The following TSPAN4 variants were observed in gnomAD, a reference collection of about 807,000 sequenced individuals.
The protein encoded by TSPAN4 is tetraspanin-4.
TSPAN4 carries 38 observed loss-of-function variants against 31.5 expected under a neutral mutation model. That is an observed-to-expected ratio of 1.21 (90% confidence interval 0.93 to 1.58). TSPAN4 has a LOEUF of 1.58. TSPAN4 is among the 40% of genes most tolerant of loss of function. The pLI, the probability that TSPAN4 is intolerant of heterozygous loss-of-function variation, is 0.00. For synonymous variants in TSPAN4, 186 were observed against 144.6 expected (o/e 1.29, Z -2.06); for missense variants, 330 against 317.3 (o/e 1.04, Z -0.30).
At chr11:845,344 C>T (rs1847253281) in intron 1 of TSPAN4, among the ~76,000 whole-genome samples, 1 of 151,876 alleles carries the variant, frequency 6.6e-6, no homozygotes, top group South Asian at 2.1e-4. Flanking sequence ...CTCTACGGTC[C>T]TGGGAGACTG....
chr11:850,114 C>T, intron 2 of TSPAN4, 174 bp from the exon 3 acceptor site: 2 of 484,138 alleles, frequency 4.1e-6, no homozygotes, highest in Non-Finnish European at 3.6e-6. Flanking sequence ...CGCGGCGGCC[C>T]CTTCCGGCGC....
At chr11:857,095 T>C (rs1017406824) in intron 3 of TSPAN4, 4 of 152,244 alleles carry the variant, frequency 2.6e-5, no homozygotes, top group Admixed American at 6.5e-5. Context: ...GGGTGTCTCT[T>C]TCCTGCCGTC....
chr11:860,883 C>T (rs1048337138), intron 3 of TSPAN4, among the ~76,000 whole-genome samples: 7 of 152,162 alleles, frequency 4.6e-5, no homozygotes, highest in Admixed American at 3.9e-4. Context: ...GCTGCGCGGC[C>T]CTTCCCCAGA....
intron 3 of TSPAN4, among the ~76,000 whole-genome samples, chr11:861,422 C>T (rs1183565695): frequency 6.6e-6 from 1 of 152,000 alleles, no homozygotes; most frequent in Non-Finnish European, 1.5e-5. Context: ...AGATCAAGAC[C>T]ATCCTGGCGG....
At chr11:864,372 G>C in intron 4 of TSPAN4, 65 bp from the exon 5 acceptor site, 1 of 1,584,078 alleles carries the variant, frequency 6.3e-7, no homozygotes, top group Admixed American at 1.7e-5. Flanking sequence ...CCTGGCCCCT[G>C]GCATGCTGTG....
chr11:860,350 T>C (rs779103001), intron 3 of TSPAN4, among the ~76,000 whole-genome samples: 1 of 152,206 alleles, frequency 6.6e-6, no homozygotes, highest in African/African-American at 2.4e-5. Flanking sequence ...GGCAGGGAGC[T>C]GTGTCCCATC....
At chr11:843,884 C>A (rs1847129765) in intron 1 of TSPAN4, among the ~76,000 whole-genome samples, 1 of 152,138 alleles carries the variant, frequency 6.6e-6, no homozygotes, top group Non-Finnish European at 1.5e-5. Context: ...GCCTTAGTTG[C>A]AGAGGAGGAG....
intron 3 of TSPAN4, among the ~76,000 whole-genome samples, chr11:859,129 C>T (rs1243594561): frequency 6.1e-5 from 8 of 130,832 alleles, no homozygotes; most frequent in Non-Finnish European, 9.8e-5. Context: ...CTGGCTCACA[C>T]GCACCCCTGG....
intron 3 of TSPAN4, among the ~76,000 whole-genome samples, chr11:856,689 C>T (rs1369659162): frequency 6.6e-6 from 1 of 152,210 alleles, no homozygotes; most frequent in Non-Finnish European, 1.5e-5. Flanking sequence ...GCGCAGGCTG[C>T]CAGCCACACC....
At chr11:845,509 TCACTGCCTGC>T (rs1847268410) in intron 1 of TSPAN4, among the ~76,000 whole-genome samples, 1 of 152,122 alleles carries the variant, frequency 6.6e-6, no homozygotes, top group Non-Finnish European at 1.5e-5. Flanking sequence ...TTTGGGAATG[TCACTGCCTGC>T]CATGCAGCTG....
rs1848706059 is a variant in TSPAN4, at chr11:865,287, A to G, written c.331-226A>G. 28 of 571,604 alleles carry G rather than the reference A, an allele frequency of 4.9e-5. No individual in the cohort carries two copies. The South Asian group carries it at 5.7e-4, about 12-fold the overall frequency. The allele number at this position is 571,604 out of a possible 1,614,324, so 35.4% of individuals were successfully genotyped here. ...CCTGTCCTCTGTCCCCCCAGGACCCATGGTCCTCCCCCAGCCTGGGGAGGA... is the reference window on the plus strand; with the variant it reads ...CCTGTCCTCTGTCCCCCCAGGACCCGTGGTCCTCCCCCAGCCTGGGGAGGA... On this transcript the variant is annotated intron_variant, in intron 5 of 8. Coordinates refer to ENST00000397397, the MANE Select transcript of TSPAN4 (RefSeq NM_003271.5).
intron 3 of TSPAN4, among the ~76,000 whole-genome samples, chr11:854,142 C>T (rs1004986755): frequency 4.6e-5 from 7 of 152,194 alleles, no homozygotes; most frequent in African/African-American, 1.2e-4. Flanking sequence ...TGGAGGCAGC[C>T]GAGCTATTTA....
intron 3 of TSPAN4, among the ~76,000 whole-genome samples, chr11:861,564 T>C (rs1848457383): frequency 6.6e-6 from 1 of 151,904 alleles, no homozygotes; most frequent in South Asian, 2.1e-4. Context: ...TACAAAAAAT[T>C]AGCTGGGCGT....
chr11:865,316 C>G (rs1265204573), intron 5 of TSPAN4, 197 bp from the exon 6 acceptor site: 2 of 590,098 alleles, frequency 3.4e-6, no homozygotes, highest in African/African-American at 1.9e-5. Flanking sequence ...GGGAGGAAGC[C>G]CAGAGGTGGG....
At chr11:856,531 C>T (rs1372243594) in intron 3 of TSPAN4, among the ~76,000 whole-genome samples, 1 of 152,238 alleles carries the variant, frequency 6.6e-6, no homozygotes, top group Non-Finnish European at 1.5e-5. Context: ...GGGTCAACCT[C>T]CCACCTGAGC....
At chr11:844,866 CA>C (rs1847217118) in intron 1 of TSPAN4, among the ~76,000 whole-genome samples, 1 of 152,160 alleles carries the variant, frequency 6.6e-6, no homozygotes, top group Non-Finnish European at 1.5e-5. Context: ...GGCAAAGGAC[CA>C]GGGGAAACCC....
In TSPAN4 at chr11:848,269, T is replaced by C. The variant is rs1307096669; in HGVS notation, c.-18+969T>C. Among the ~76,000 whole-genome samples the C allele has an allele frequency of 6.6e-6, 1 of 152,000 alleles. No homozygotes were observed. Among genetic ancestry groups the C allele is most frequent in the Non-Finnish European group, 1.5e-5 (1 of 67,986 alleles). On this transcript the variant is annotated intron_variant, in intron 2 of 8. Transcript: ENST00000397397. This position sits in a 1 kb window ranked among gnomAD's most constrained non-coding sequence, Gnocchi z 5.7. ...GATGCGTGGCCGCCGTTCTGACCCA[T>C]TCCTGGGGCCCAGACCCACCAAAGA...
chr11:855,319 C>T (rs1195785847), intron 3 of TSPAN4, among the ~76,000 whole-genome samples: 1 of 152,194 alleles, frequency 6.6e-6, no homozygotes, highest in African/African-American at 2.4e-5. Flanking sequence ...ACCTGGGCTT[C>T]CAGCCGCGCT....
rs761080496 is a variant in TSPAN4, at chr11:859,451, CCTCACACGCACCCCGGG to C, written c.64-3050_64-3034del. On this transcript the variant is annotated intron_variant, in intron 3 of 8. Coordinates refer to ENST00000397397, the MANE Select transcript of TSPAN4 (RefSeq NM_003271.5). ...ACGCACCCCGGCTCACACGCACCCC[CCTCACACGCACCCCGGG>C]CTCACACGCACCCCGGGCTCACACG... The C allele has an allele frequency of 4.3e-3, 157 of 36,194 alleles. 5 individuals carry two copies. Among genetic ancestry groups the C allele is most frequent in the Non-Finnish European group, 5.5e-3 (97 of 17,782 alleles). 2.2% of individuals were successfully genotyped at this position (36,194 alleles called of 1,614,324 possible).
Sources: allele counts gnomAD v4.1 joint callset (sites outside exome capture counted in the v4.1 genomes callset), GRCh38; gene constraint gnomAD v4.1.1; non-coding constraint Gnocchi (gnomAD v3.1); transcripts MANE v1.5; gene names NCBI Gene and HGNC (gene_info 2026-07-23, HGNC 2026-07-21).